Variants in MAPK10 observed in about 807,000 individuals in gnomAD.
MAPK10 encodes mitogen-activated protein kinase 10.
Under a neutral mutation model 59.3 loss-of-function variants are expected in MAPK10, and 25 were observed. That is an observed-to-expected ratio of 0.42 (90% confidence interval 0.31 to 0.59). The LOEUF (loss-of-function observed/expected upper bound fraction) is 0.59, where lower values mean the gene tolerates loss of function less well. Among genes scored for constraint, MAPK10 ranks in the 20% least tolerant of loss-of-function variants. The pLI, the probability that MAPK10 is intolerant of heterozygous loss-of-function variation, is 0.15. For missense variants in MAPK10, 351 were observed against 568.9 expected (o/e 0.62, Z 3.90); for synonymous variants, 190 against 200.5 (o/e 0.95, Z 0.44).
At chr4:86,160,676 T>G (rs1352875447) in intron 3 of MAPK10, among the ~76,000 whole-genome samples, 1 of 124,268 alleles carries the variant, frequency 8.0e-6, no homozygotes, top group Non-Finnish European at 1.8e-5. Flanking sequence ...CCTCACAACT[T>G]GTGAGTGTCC....
chr4:86,360,618 T>G (rs1241168537), upstream of MAPK10, among the ~76,000 whole-genome samples: 3 of 152,212 alleles, frequency 2.0e-5, no homozygotes, highest in African/African-American at 7.2e-5. Flanking sequence ...GGTTGCAATC[T>G]GAGTGTACAA....
intron 4 of MAPK10, chr4:86,125,108 C>T (rs1354395991): frequency 1.3e-5 from 2 of 151,678 alleles, no homozygotes; most frequent in Admixed American, 6.6e-5. Flanking sequence ...TTGTTCTTAG[C>T]AGATACCTAA....
At chr4:86,035,458 C>CGGAA (rs1052380465) in intron 11 of MAPK10, among the ~76,000 whole-genome samples, 52 of 144,478 alleles carry the variant, frequency 3.6e-4, no homozygotes, top group African/African-American at 1.3e-3. Flanking sequence ...TGTAAGAGAA[C>CGGAA]GGAACAGTGA....
intron 13 of MAPK10, chr4:86,028,596 G>A (rs1424674176): frequency 6.6e-6 from 1 of 152,518 alleles, no homozygotes; most frequent in African/African-American, 2.4e-5. Context: ...TATAGTGAGA[G>A]CATAGGTCTT....
At chr4:86,360,300 C>G (rs1392605180), upstream of MAPK10, 1 of 552,786 alleles carries the variant, frequency 1.8e-6, no homozygotes, top group East Asian at 1.4e-4. Context: ...GGCAGCCAGC[C>G]TGCACAACCT....
intron 1 of MAPK10, among the ~76,000 whole-genome samples, chr4:86,376,663 A>T (rs1264863648): frequency 6.6e-6 from 1 of 152,224 alleles, no homozygotes; most frequent in South Asian, 2.1e-4. Flanking sequence ...GTATATAATT[A>T]ATCATATCCA....
intron 3 of MAPK10, among the ~76,000 whole-genome samples, chr4:86,169,410 G>A (rs2073223710): frequency 1.3e-5 from 2 of 152,346 alleles, no homozygotes; most frequent in South Asian, 2.1e-4. Flanking sequence ...AGAACTACGT[G>A]AAGAATGCAG....
At chr4:86,160,146 ATT>A (rs973341753) in intron 3 of MAPK10, 8 of 151,906 alleles carry the variant, frequency 5.3e-5, no homozygotes, top group African/African-American at 1.9e-4. Flanking sequence ...TGCATTTTTT[ATT>A]TTTAAGAGAA....
intron 2 of MAPK10, among the ~76,000 whole-genome samples, chr4:86,224,754 A>T (rs947775503): frequency 2.0e-5 from 3 of 152,202 alleles, no homozygotes; most frequent in Admixed American, 2.0e-4. Context: ...GATTTGATAA[A>T]TCTGAGTTTG....
chr4:86,359,153 A>T (rs988085706), intron 1 of MAPK10, among the ~76,000 whole-genome samples: 1 of 152,118 alleles, frequency 6.6e-6, no homozygotes, highest in Non-Finnish European at 1.5e-5. Flanking sequence ...AAACATAAAT[A>T]CATACTAAAA....
At chr4:86,043,371 C>T (rs1230300836) in intron 11 of MAPK10, among the ~76,000 whole-genome samples, 3 of 152,034 alleles carry the variant, frequency 2.0e-5, no homozygotes, top group Non-Finnish European at 2.9e-5. Context: ...TTCAAATGGG[C>T]AAATACATGA....
Position 86,320,723 on chromosome 4 carries a change from G to A in MAPK10, c.-7+33807C>T, listed in dbSNP as rs6844636. On this transcript the variant is annotated intron_variant, in intron 2 of 13. Transcript: ENST00000641462. ...TTGCTTTTGGTGTTTTAGACATGAA[G>A]CCTTGCACATGCCTATGTCCTGAAT... Among the ~76,000 whole-genome samples the A allele has an allele frequency of 9.9e-3, 1,508 of 152,252 alleles. 17 individuals are homozygous for A. The highest frequency in any genetic ancestry group is 0.034 in the African/African-American group (1,426 of 41,528).
chr4:86,103,142 C>T (rs767071405), intron 6 of MAPK10, 44 bp downstream of exon 6: 7 of 1,377,774 alleles, frequency 5.1e-6, no homozygotes, highest in Non-Finnish European at 7.2e-6. Flanking sequence ...CTTGGGCTAT[C>T]TGAGTGCTGT....
intron 4 of MAPK10, among the ~76,000 whole-genome samples, chr4:86,136,794 C>G (rs2062250782): frequency 6.6e-6 from 1 of 151,772 alleles, no homozygotes; most frequent in South Asian, 2.1e-4. Context: ...AAACCCATCT[C>G]ACGTGCAGAG....
intron 1 of MAPK10, among the ~76,000 whole-genome samples, chr4:86,535,417 A>AT: frequency 6.6e-6 from 1 of 152,166 alleles, no homozygotes; most frequent in East Asian, 1.9e-4. Flanking sequence ...GAATATATAT[A>AT]TTTTTTGAGA....
At chr4:86,057,204 A>C (rs2044749496) in intron 11 of MAPK10, among the ~76,000 whole-genome samples, 1 of 149,654 alleles carries the variant, frequency 6.7e-6, no homozygotes, top group Non-Finnish European at 1.5e-5. Context: ...TGGCATCCCA[A>C]AGTGCTGGGA....
chr4:86,177,781 T>C lies in MAPK10; in HGVS notation c.66+16555A>G, dbSNP rs1346255872. 2.0e-5 allele frequency among the ~76,000 whole-genome samples: 3 copies of C among 152,128 alleles called. No individual in the cohort carries two copies. The East Asian group carries it at 5.8e-4, about 29-fold the overall frequency. The stretch of plus-strand genomic sequence containing the variant: ...CAAATTATCCTGAAATTTCCAAAGA[T>C]TGAAAAACACTGTGCCAAAAAGTAA... On this transcript the variant is annotated intron_variant, in intron 3 of 13. Coordinates refer to ENST00000641462, the MANE Select transcript of MAPK10 (RefSeq NM_138982.4).
At chr4:86,324,045 C>T (rs1314136681) in intron 2 of MAPK10, among the ~76,000 whole-genome samples, 1 of 151,980 alleles carries the variant, frequency 6.6e-6, no homozygotes, top group Admixed American at 6.6e-5. Context: ...GTAGAAAGTT[C>T]CCAGCAAAGG....
intron 9 of MAPK10, among the ~76,000 whole-genome samples, chr4:86,078,154 A>G (rs1251408070): frequency 6.6e-6 from 1 of 152,216 alleles, no homozygotes; most frequent in Non-Finnish European, 1.5e-5. Flanking sequence ...ATATTTTGAG[A>G]AATACTAATG....
Sources: allele counts gnomAD v4.1 joint callset (sites outside exome capture counted in the v4.1 genomes callset), GRCh38; gene constraint gnomAD v4.1.1; transcripts MANE v1.5; gene names NCBI Gene and HGNC (gene_info 2026-07-23, HGNC 2026-07-21).